The following CSGALNACT1 variants were observed in gnomAD, a reference collection of about 807,000 sequenced individuals.
The protein encoded by CSGALNACT1 is chondroitin sulfate N-acetylgalactosaminyltransferase 1, also known as beta4GalNAcT-1.
Under a neutral mutation model 51.0 loss-of-function variants are expected in CSGALNACT1, and 52 were observed. The ratio of observed to expected loss-of-function variants is 1.02; its 90% CI spans 0.82 to 1.29. The LOEUF (loss-of-function observed/expected upper bound fraction) is 1.29, where lower values mean the gene tolerates loss of function less well. Among genes scored for constraint, CSGALNACT1 ranks in the 50% most tolerant of loss-of-function variants. The pLI, the probability that CSGALNACT1 is intolerant of heterozygous loss-of-function variation, is 0.00. For synonymous variants in CSGALNACT1, 341 were observed against 254.4 expected, an observed-to-expected ratio of 1.34 and a Z score of -3.24; for missense variants, 935 against 679.2, an observed-to-expected ratio of 1.38 and a Z score of -4.19.
At chr8:19,548,193 G>A (rs1385821415) in intron 3 of CSGALNACT1, among the ~76,000 whole-genome samples, 1 of 152,198 alleles carries the variant, frequency 6.6e-6, no homozygotes, top group African/African-American at 2.4e-5. Flanking sequence ...AGTCCAACTG[G>A]AATTTTCCTC....
At chr8:19,428,823 A>ATGTGTG (rs1491349164) in intron 6 of CSGALNACT1, among the ~76,000 whole-genome samples, 4 of 51,294 alleles carry the variant, frequency 7.8e-5, no homozygotes, top group South Asian at 1.5e-3. Flanking sequence ...ATAAGACATG[A>ATGTGTG]TATGTGTGTG....
chr8:19,574,107 C>T (rs981541911), intron 3 of CSGALNACT1, among the ~76,000 whole-genome samples: 7 of 152,166 alleles, frequency 4.6e-5, no homozygotes, highest in African/African-American at 1.7e-4. Context: ...TGGCATCTTG[C>T]AATGCTATCC....
At chr8:19,657,547 T>C (rs1589309861) in intron 1 of CSGALNACT1, among the ~76,000 whole-genome samples, 1 of 152,178 alleles carries the variant, frequency 6.6e-6, no homozygotes, top group African/African-American at 2.4e-5. Context: ...ATGGATTATC[T>C]TTAAAGGAAC....
intron 4 of CSGALNACT1, among the ~76,000 whole-genome samples, chr8:19,464,169 A>T (rs1449525342): frequency 6.6e-6 from 1 of 152,156 alleles, no homozygotes; most frequent in Non-Finnish European, 1.5e-5. Context: ...ACCCACATTC[A>T]TTCTCAGTCT....
chr8:19,442,625 C>T lies in CSGALNACT1; in HGVS notation c.852-2694G>A, dbSNP rs575421591. On this transcript the variant is annotated intron_variant, in intron 5 of 9. Coordinates refer to ENST00000454498, the Ensembl canonical transcript of CSGALNACT1. ...TAGGATATATGCCTAATGTAAATGA[C>T]GAGTTAGTGGGTGCAGCACACCAAC... Among the ~76,000 whole-genome samples, 49 of 150,234 alleles carry T rather than the reference C, an allele frequency of 3.3e-4. No homozygotes were observed. In the Middle Eastern group the frequency reaches 0.021, roughly 63 times the overall value.
chr8:19,591,419 A>G (rs147253373), intron 2 of CSGALNACT1: 118 of 152,370 alleles, frequency 7.7e-4, no homozygotes, highest in African/African-American at 2.5e-3. Context: ...GAGACAAAAT[A>G]TAAGTATACT....
chr8:19,503,111 T>C (rs4922046), intron 4 of CSGALNACT1, among the ~76,000 whole-genome samples: 120,127 of 152,136 alleles, frequency 0.79, 47,656 homozygotes, highest in East Asian at 0.85. Context: ...GTATTGATAA[T>C]ATTTTTCAAA....
At chr8:19,643,113 C>A (rs1004851537) in intron 1 of CSGALNACT1, among the ~76,000 whole-genome samples, 3 of 151,692 alleles carry the variant, frequency 2.0e-5, no homozygotes, top group African/African-American at 7.3e-5. Context: ...AGTAAATTTA[C>A]CTTTATATAG....
intron 3 of CSGALNACT1, among the ~76,000 whole-genome samples, chr8:19,530,041 G>A (rs1335078235): frequency 6.6e-6 from 1 of 152,036 alleles, no homozygotes; most frequent in Non-Finnish European, 1.5e-5. Context: ...TCAACATGAT[G>A]AAACTCTGTC....
upstream of CSGALNACT1, among the ~76,000 whole-genome samples, chr8:19,603,777 C>T (rs1451310269): frequency 6.6e-6 from 1 of 152,140 alleles, no homozygotes; most frequent in African/African-American, 2.4e-5. Flanking sequence ...TACCCTTGGC[C>T]ATCTAAGTAA....
rs143224243 is a variant in CSGALNACT1, at chr8:19,498,040, C to A, written c.634+7161G>T. On this transcript the variant is annotated intron_variant, in intron 4 of 9. Coordinates refer to ENST00000454498, the Ensembl canonical transcript of CSGALNACT1. ...CTAAAATGTATAAAGCCAAACTGTG[C>A]CCTGACCACCTTGGGCATATGTCAT... Among the ~76,000 whole-genome samples, 1,011 of 152,268 alleles carry A rather than the reference C, an allele frequency of 6.6e-3. 12 individuals are homozygous for A. Among genetic ancestry groups the A allele is most frequent in the African/African-American group, 0.023 (964 of 41,554 alleles).
intron 5 of CSGALNACT1, among the ~76,000 whole-genome samples, chr8:19,455,294 A>G (rs2063880401): frequency 6.6e-6 from 1 of 152,226 alleles, no homozygotes; most frequent in Non-Finnish European, 1.5e-5. Context: ...AGCTATATAA[A>G]TATTTAGAAA....
rs546045664 is a variant in CSGALNACT1, at chr8:19,423,210, C to T, written c.954-2692G>A. Among the ~76,000 whole-genome samples, 103 of 152,246 alleles carry T rather than the reference C, an allele frequency of 6.8e-4. No individual in the cohort carries two copies. The South Asian group carries it at 0.011, about 17-fold the overall frequency. ...TTAATAGGCTGCATTAAATGAGCTG[C>T]GACATCAAGAATCTCCCCCTTGAAC... On this transcript the variant is annotated intron_variant, in intron 6 of 9. Transcript: ENST00000454498.
intron 1 of CSGALNACT1, among the ~76,000 whole-genome samples, chr8:19,667,004 A>G (rs1357589224): frequency 0.17 from 4,088 of 23,864 alleles, 311 homozygotes; most frequent in Middle Eastern, 0.32. Context: ...AGAAAGAAAG[A>G]AAGAAAGAAA....
At chr8:19,560,785 C>G (rs922505306) in intron 3 of CSGALNACT1, among the ~76,000 whole-genome samples, 2 of 152,166 alleles carry the variant, frequency 1.3e-5, no homozygotes, top group African/African-American at 4.8e-5. Flanking sequence ...ATTCCAGGAG[C>G]CAGCAATTCC....
At chr8:19,699,984 T>A (rs2061774313) in intron 1 of CSGALNACT1, among the ~76,000 whole-genome samples, 1 of 151,768 alleles carries the variant, frequency 6.6e-6, no homozygotes, top group African/African-American at 2.4e-5. Context: ...TGGTGGCGCG[T>A]GCCTGTAGTC....
At chr8:19,605,503 CT>C (rs1408695571), upstream of CSGALNACT1, among the ~76,000 whole-genome samples, 3 of 152,194 alleles carry the variant, frequency 2.0e-5, no homozygotes, top group Admixed American at 1.3e-4. Flanking sequence ...GTCCCCTCCC[CT>C]GTCCTCCAAT....
At chr8:19,606,762 C>G (rs1449821633), upstream of CSGALNACT1, among the ~76,000 whole-genome samples, 1 of 152,084 alleles carries the variant, frequency 6.6e-6, no homozygotes, top group Non-Finnish European at 1.5e-5. Context: ...TCTCAGATAA[C>G]AAAATTATGC....
At chr8:19,462,542 G>A (rs1445106858) in intron 4 of CSGALNACT1, among the ~76,000 whole-genome samples, 1 of 152,178 alleles carries the variant, frequency 6.6e-6, no homozygotes, top group Non-Finnish European at 1.5e-5. Context: ...CAGAATGCCA[G>A]CTGCCTTGGA....
Sources: allele counts gnomAD v4.1 joint callset (sites outside exome capture counted in the v4.1 genomes callset), GRCh38; gene constraint gnomAD v4.1.1; transcripts MANE v1.5; gene names NCBI Gene and HGNC (gene_info 2026-07-23, HGNC 2026-07-21).